The following TMEM163 variants were observed in gnomAD, a reference collection of about 807,000 sequenced individuals.
TMEM163 encodes the protein transmembrane protein 163.
TMEM163 carries 17 observed loss-of-function variants against 29.3 expected under a neutral mutation model. The observed-to-expected ratio is 0.58, with a 90% CI of 0.40 to 0.87. The LOEUF (loss-of-function observed/expected upper bound fraction) is 0.87. Among genes scored for constraint, TMEM163 ranks in the 40% least tolerant of loss-of-function variants. The probability of loss-of-function intolerance (pLI) is 0.00; values close to 1 mark genes in which losing one functional copy is unlikely to be tolerated. For synonymous variants in TMEM163, 157 were observed against 160.6 expected (o/e 0.98, Z 0.17); for missense variants, 303 against 381.5 (o/e 0.79, Z 1.71).
rs529329757 is a variant in TMEM163, at chr2:134,464,932, A to G, written c.667+1182T>C. ...TCGGCTAAGACAAGGAGCCCATGCC[A>G]TGTCACCATGCTCCGTCCTGCGGGT... On this transcript the variant is annotated intron_variant, in intron 6 of 7. Coordinates refer to ENST00000281924, the MANE Select transcript of TMEM163 (RefSeq NM_030923.5). Among the ~76,000 whole-genome samples, 45 of 152,226 alleles carry G rather than the reference A, an allele frequency of 3.0e-4. 1 individual carries two copies. The highest frequency in any genetic ancestry group is 1.0e-3 in the African/African-American group (43 of 41,514).
At chr2:134,535,449 C>A (rs1316904528) in intron 4 of TMEM163, among the ~76,000 whole-genome samples, 1 of 152,162 alleles carries the variant, frequency 6.6e-6, no homozygotes, top group Non-Finnish European at 1.5e-5. Flanking sequence ...TCCATGTAAG[C>A]CTGGAGCAAT....
chr2:134,456,846 C>A, intron 7 of TMEM163, 70 bp from the exon 8 acceptor site: 1 of 1,490,840 alleles, frequency 6.7e-7, no homozygotes, highest in Non-Finnish European at 9.2e-7. Context: ...AGCGTATTTT[C>A]ATTTTTTTTT....
intron 2 of TMEM163, among the ~76,000 whole-genome samples, chr2:134,631,638 G>C (rs1314815135): frequency 6.6e-6 from 1 of 152,200 alleles, no homozygotes; most frequent in Non-Finnish European, 1.5e-5. Context: ...CATGCCATGG[G>C]AGCTATTTCT....
intron 5 of TMEM163, among the ~76,000 whole-genome samples, chr2:134,483,908 C>G (rs1679258527): frequency 6.6e-6 from 1 of 152,208 alleles, no homozygotes; most frequent in African/African-American, 2.4e-5. Context: ...CTTTGGGAGG[C>G]CAAGGTGGGT....
At chr2:134,586,070 A>G (rs1016428698) in intron 2 of TMEM163, among the ~76,000 whole-genome samples, 4 of 152,254 alleles carry the variant, frequency 2.6e-5, no homozygotes, top group African/African-American at 9.6e-5. Context: ...AGTTTGGGTC[A>G]TCAATTCTAA....
intron 4 of TMEM163, among the ~76,000 whole-genome samples, chr2:134,521,956 G>T (rs1042714250): frequency 6.6e-6 from 1 of 152,266 alleles, no homozygotes; most frequent in South Asian, 2.1e-4. Context: ...AACATGTAAG[G>T]TTGCCAAGCT....
chr2:134,598,217 C>A (rs978399683), intron 2 of TMEM163, among the ~76,000 whole-genome samples: 1 of 152,288 alleles, frequency 6.6e-6, no homozygotes, highest in South Asian at 2.1e-4. Context: ...CTGATCTAGA[C>A]TATGTCTTGG....
intron 2 of TMEM163, among the ~76,000 whole-genome samples, chr2:134,680,970 A>G (rs967592170): frequency 6.6e-6 from 1 of 152,238 alleles, no homozygotes; most frequent in South Asian, 2.1e-4. Flanking sequence ...TCTGGAAACT[A>G]TTGGAATAAA....
rs150995151 is a variant in TMEM163 at position 134,580,914 on chromosome 2, A to G, written c.323-28823T>C. Among the ~76,000 whole-genome samples the G allele has an allele frequency of 1.2e-4, 18 of 152,286 alleles. No individual in the cohort carries two copies. The East Asian group carries it at 2.9e-3, about 25-fold the overall frequency. On this transcript the variant is annotated intron_variant, in intron 2 of 7. Transcript: ENST00000281924. ...GGTGACAGAGCGAGACTCTGCCTCA[A>G]AAAAAACCAGCCCTAGGACAGGAGC...
chr2:134,466,224 T>C lies in TMEM163; in HGVS notation c.557A>G (p.Asp186Gly), dbSNP rs1289680919. ...DLSTRLLPEV[D>G]DFLFSVSILS... Reference sequence around the variant, plus strand: ...AATGGAGACACTGAACAGGAAATCGTCCTGCAAGAGAAAGTTCCAGATTTC... The same window carrying C: ...AATGGAGACACTGAACAGGAAATCGCCCTGCAAGAGAAAGTTCCAGATTTC... The change falls in exon 6 of 8, where the codon GAC (aspartate) becomes GGC (glycine). Residue 186 changes from aspartate to glycine, a missense_variant and splice_region_variant. Asp to Gly is a moderately conservative substitution (Grantham distance 94). Coordinates refer to ENST00000281924, the MANE Select transcript of TMEM163 (RefSeq NM_030923.5). 1 of 1,612,428 alleles carries C rather than the reference T, an allele frequency of 6.2e-7. No individual in the cohort carries two copies. The highest frequency in any genetic ancestry group is 1.3e-5 in the African/African-American group (1 of 74,914).
chr2:134,571,368 G>A (rs1681423110), intron 2 of TMEM163, among the ~76,000 whole-genome samples: 1 of 152,128 alleles, frequency 6.6e-6, no homozygotes, highest in Non-Finnish European at 1.5e-5. Context: ...CAGAACAGGG[G>A]AGCTTCTGCT....
intron 2 of TMEM163, among the ~76,000 whole-genome samples, chr2:134,701,574 T>C (rs1452921106): frequency 2.0e-5 from 3 of 152,226 alleles, no homozygotes; most frequent in Non-Finnish European, 4.4e-5. Flanking sequence ...CTTTGAGGCA[T>C]ACCAAACTCA....
Position 134,633,200 on chromosome 2 carries a change from C to T in TMEM163, c.322+80000G>A, listed in dbSNP as rs541792906. On this transcript the variant is annotated intron_variant, in intron 2 of 7. Coordinates refer to ENST00000281924, the MANE Select transcript of TMEM163 (RefSeq NM_030923.5). ...AGTACCACAAGGCAGTCTGTCATTC[C>T]TGGCCTAGAGCACTAAAGACAGAAA... Among the ~76,000 whole-genome samples, 22 of 152,240 alleles carry T rather than the reference C, an allele frequency of 1.4e-4. No individual in the cohort carries two copies. The South Asian group carries it at 4.6e-3, about 32-fold the overall frequency.
At chr2:134,685,079 A>G (rs1684326260) in intron 2 of TMEM163, among the ~76,000 whole-genome samples, 1 of 152,172 alleles carries the variant, frequency 6.6e-6, no homozygotes, top group Admixed American at 6.5e-5. Flanking sequence ...AAAAGGAACT[A>G]CTTCTCCAAA....
chr2:134,587,031 T>C (rs558703258), intron 2 of TMEM163, among the ~76,000 whole-genome samples: 3 of 151,770 alleles, frequency 2.0e-5, no homozygotes, highest in Non-Finnish European at 4.4e-5. Flanking sequence ...TAAGATCTCA[T>C]CTGTGAGTCC....
intron 2 of TMEM163, among the ~76,000 whole-genome samples, chr2:134,568,711 GAAACAAAC>G (rs201341931): frequency 2.0e-5 from 3 of 151,690 alleles, no homozygotes; most frequent in Non-Finnish European, 2.9e-5. Context: ...GAAAAAGAAA[GAAACAAAC>G]AAAGAAACAA....
At chr2:134,643,161 A>G (rs141225239) in intron 2 of TMEM163, among the ~76,000 whole-genome samples, 77 of 152,250 alleles carry the variant, frequency 5.1e-4, no homozygotes, top group African/African-American at 1.8e-3. Context: ...AAGAGGAGAC[A>G]TCACTAGACC....
intron 2 of TMEM163, among the ~76,000 whole-genome samples, chr2:134,613,759 T>C (rs1286182069): frequency 6.6e-6 from 1 of 151,680 alleles, no homozygotes; most frequent in Non-Finnish European, 1.5e-5. Context: ...CTAAAGAAAA[T>C]AAAATAAGGC....
chr2:134,680,375 G>C (rs903665168), intron 2 of TMEM163, among the ~76,000 whole-genome samples: 1 of 149,012 alleles, frequency 6.7e-6, no homozygotes, highest in African/African-American at 2.5e-5. Flanking sequence ...AAAAAAAAAA[G>C]CTCTGTATGG....
Sources: allele counts gnomAD v4.1 joint callset (sites outside exome capture counted in the v4.1 genomes callset), GRCh38; gene constraint gnomAD v4.1.1; transcripts MANE v1.5; gene names NCBI Gene and HGNC (gene_info 2026-07-23, HGNC 2026-07-21).